DPP10: variants seen among roughly 807,000 people sequenced by gnomAD.
DPP10 encodes the protein inactive dipeptidyl peptidase 10.
Under a neutral mutation model 120.9 loss-of-function variants are expected in DPP10, and 33 were observed. That is an observed-to-expected ratio of 0.27 (90% CI 0.21 to 0.37). DPP10 has a LOEUF of 0.37. Ranked by LOEUF, DPP10 falls within the 10% of genes least tolerant of loss-of-function variation. The probability of loss-of-function intolerance (pLI) is 1.00; values close to 1 mark genes in which losing one functional copy is unlikely to be tolerated. For missense variants in DPP10, 816 were observed against 942.8 expected, an observed-to-expected ratio of 0.87 and a Z score of 1.76; for synonymous variants, 337 against 326.1, an observed-to-expected ratio of 1.03 and a Z score of -0.36.
chr2:115,641,439 T>C (rs1372415491), intron 5 of DPP10, among the ~76,000 whole-genome samples: 1 of 152,140 alleles, frequency 6.6e-6, no homozygotes, highest in Non-Finnish European at 1.5e-5. Context: ...CTCATTTCCA[T>C]CTTTGTCTCT....
At chr2:115,332,565 G>T (rs2062819867) in intron 2 of DPP10, among the ~76,000 whole-genome samples, 1 of 152,124 alleles carries the variant, frequency 6.6e-6, no homozygotes, top group Non-Finnish European at 1.5e-5. Context: ...GGCATTTAGT[G>T]CTATGAATTT....
At chr2:114,469,121 A>C (rs1679680593) in intron 1 of DPP10, among the ~76,000 whole-genome samples, 1 of 110,444 alleles carries the variant, frequency 9.1e-6, no homozygotes, top group Non-Finnish European at 2.3e-5. Flanking sequence ...ATAGATTCTG[A>C]TTTCACTTGA....
chr2:115,149,077 T>C (rs1321190468), intron 1 of DPP10, among the ~76,000 whole-genome samples: 1 of 152,204 alleles, frequency 6.6e-6, no homozygotes, highest in African/African-American at 2.4e-5. Context: ...GTGGATTTGA[T>C]GAGTATATTG....
chr2:115,585,695 C>T (rs1379256479), intron 5 of DPP10, among the ~76,000 whole-genome samples: 4 of 152,268 alleles, frequency 2.6e-5, no homozygotes, highest in African/African-American at 9.6e-5. Context: ...TCCATTTTCT[C>T]CTCAAGCAGT....
chr2:114,995,693 G>C (rs1423274963), intron 1 of DPP10, among the ~76,000 whole-genome samples: 2 of 152,196 alleles, frequency 1.3e-5, no homozygotes, highest in South Asian at 2.1e-4. Flanking sequence ...GTTTTAGAGT[G>C]GGGGGAACCA....
chr2:115,508,912 A>T (rs1182702814), intron 4 of DPP10, among the ~76,000 whole-genome samples: 2 of 152,154 alleles, frequency 1.3e-5, no homozygotes, highest in Non-Finnish European at 2.9e-5. Context: ...TAAGTAAATA[A>T]ATAAATAAGA....
At chr2:114,617,799 G>A (rs1297329922) in intron 1 of DPP10, among the ~76,000 whole-genome samples, 3 of 152,084 alleles carry the variant, frequency 2.0e-5, no homozygotes, top group African/African-American at 7.2e-5. Context: ...ATTACATTAT[G>A]TGACTATTTA....
intron 1 of DPP10, among the ~76,000 whole-genome samples, chr2:114,562,438 A>G (rs934958959): frequency 6.6e-6 from 1 of 152,214 alleles, no homozygotes; most frequent in Non-Finnish European, 1.5e-5. Context: ...TCTTCTGGGC[A>G]GCTAATGACG....
chr2:115,186,184 A>G (rs889535062), intron 1 of DPP10, among the ~76,000 whole-genome samples: 2 of 152,166 alleles, frequency 1.3e-5, no homozygotes, highest in Admixed American at 1.3e-4. Context: ...TGTTTTTATT[A>G]TCTTATTCAT....
At chr2:114,599,618 T>TA (rs1349573254) in intron 1 of DPP10, among the ~76,000 whole-genome samples, 3 of 151,828 alleles carry the variant, frequency 2.0e-5, no homozygotes, top group Non-Finnish European at 4.4e-5. Flanking sequence ...TTGTTTGTTT[T>TA]AAAATCTATC....
chr2:114,840,322 C>G (rs1249753136), intron 1 of DPP10, among the ~76,000 whole-genome samples: 1 of 151,878 alleles, frequency 6.6e-6, no homozygotes, highest in Non-Finnish European at 1.5e-5. Context: ...ATAAGGCAAC[C>G]CAAAACTCAT....
intron 1 of DPP10, among the ~76,000 whole-genome samples, chr2:114,840,322 C>T (rs1249753136): frequency 6.6e-6 from 1 of 151,878 alleles, no homozygotes; most frequent in Non-Finnish European, 1.5e-5. Context: ...ATAAGGCAAC[C>T]CAAAACTCAT....
intron 1 of DPP10, among the ~76,000 whole-genome samples, chr2:114,939,836 C>T (rs1252683640): frequency 6.6e-6 from 1 of 152,108 alleles, no homozygotes; most frequent in East Asian, 1.9e-4. Flanking sequence ...ACAGCTATGG[C>T]TCATACCAAA....
At chr2:115,330,194 A>G (rs533055579) in intron 2 of DPP10, among the ~76,000 whole-genome samples, 22 of 152,060 alleles carry the variant, frequency 1.4e-4, no homozygotes, top group African/African-American at 5.1e-4. Flanking sequence ...GCCAGTGATG[A>G]TGAGCATTTT....
intron 2 of DPP10, among the ~76,000 whole-genome samples, chr2:115,310,673 G>A (rs2061540748): frequency 1.3e-5 from 2 of 152,138 alleles, no homozygotes; most frequent in African/African-American, 4.8e-5. Flanking sequence ...GCAGTACAAT[G>A]TCATTGAGCA....
In DPP10 at chr2:114,880,248, A is replaced by G. The variant is rs149632200; in HGVS notation, c.61-428991A>G. On this transcript the variant is annotated intron_variant, in intron 1 of 25. Coordinates refer to ENST00000410059, the MANE Select transcript of DPP10 (RefSeq NM_020868.6). Reference sequence around the variant, plus strand: ...TTAATCATTGCTTTGTGCTGTTTGCAAAACAACCACCAAATTTGGCCCAAG... The same window carrying G: ...TTAATCATTGCTTTGTGCTGTTTGCGAAACAACCACCAAATTTGGCCCAAG... 2.9e-4 allele frequency among the ~76,000 whole-genome samples: 44 copies of G among 152,312 alleles called. 2 individuals are homozygous for G. The highest frequency in any genetic ancestry group is 9.6e-4 in the African/African-American group (40 of 41,584).
intron 5 of DPP10, among the ~76,000 whole-genome samples, chr2:115,642,132 A>C (rs190100992): frequency 6.6e-6 from 1 of 152,180 alleles, no homozygotes; most frequent in African/African-American, 2.4e-5. Flanking sequence ...TATGGTTTCT[A>C]TATTCAAAAT....
At chr2:114,658,809 A>G (rs952782240) in intron 1 of DPP10, among the ~76,000 whole-genome samples, 1 of 152,184 alleles carries the variant, frequency 6.6e-6, no homozygotes, top group African/African-American at 2.4e-5. Context: ...ATGTGAGCAT[A>G]CACTGATTGA....
rs1256622784 is a variant in DPP10, at chr2:115,405,226, A to AGG, written c.271+61316_271+61317dup. Among the ~76,000 whole-genome samples, 13 of 152,306 alleles carry AGG rather than the reference A, an allele frequency of 8.5e-5. No homozygotes were observed. In the East Asian group the frequency reaches 2.1e-3, roughly 25 times the overall value. On this transcript the variant is annotated intron_variant, in intron 3 of 25. Transcript: ENST00000410059. ...ATAAGATGAGTATTCTCCTTCCAAA[A>AGG]GGGAGAGAGAGGCAAAAAGAAAAAT...
Sources: gnomAD v4.1 joint callset for allele counts (sites outside exome capture counted in the v4.1 genomes callset) on GRCh38, gnomAD v4.1.1 for gene constraint, MANE v1.5 for transcripts, NCBI Gene and HGNC (gene_info 2026-07-23, HGNC 2026-07-21) for gene names.